The following SF3B3 variants were observed in gnomAD, a reference collection of about 807,000 sequenced individuals.
The protein encoded by SF3B3 is SAP 130.
Under a neutral mutation model 139.2 loss-of-function variants are expected in SF3B3, and 33 were observed. The observed-to-expected ratio is 0.24, with a 90% CI of 0.18 to 0.32. SF3B3 has a LOEUF of 0.32. Among genes scored for constraint, SF3B3 ranks in the 10% least tolerant of loss-of-function variants. The probability of loss-of-function intolerance (pLI) is 1.00; values close to 1 mark genes in which losing one functional copy is unlikely to be tolerated. For synonymous variants in SF3B3, 596 were observed against 563.6 expected (o/e 1.06, Z -0.81); for missense variants, 818 against 1,509.4 (o/e 0.54, Z 7.59).
intron 18 of SF3B3, among the ~76,000 whole-genome samples, chr16:70,564,440 T>A (rs890463815): frequency 3.3e-5 from 5 of 152,262 alleles, no homozygotes; most frequent in Non-Finnish European, 7.3e-5. Flanking sequence ...TCAGCTTTTT[T>A]AAGCAGAGGC....
At chr16:70,564,470 A>AT (rs1370284918) in intron 18 of SF3B3, among the ~76,000 whole-genome samples, 1 of 152,188 alleles carries the variant, frequency 6.6e-6, no homozygotes, top group African/African-American at 2.4e-5. Context: ...AAAGTACTTC[A>AT]TTTTAGAGCC....
chr16:70,534,459 A>T (rs934255778), intron 5 of SF3B3, among the ~76,000 whole-genome samples: 1 of 152,144 alleles, frequency 6.6e-6, no homozygotes, highest in African/African-American at 2.4e-5. Context: ...GGGGAGACTG[A>T]TGAGGACATT....
chr16:70,524,744 G>C (rs554158180), intron 1 of SF3B3: 1 of 152,284 alleles, frequency 6.6e-6, no homozygotes, highest in Admixed American at 6.5e-5. Flanking sequence ...GCAGTGGCGC[G>C]ATCTCTGCTC....
rs372064028 is a variant in SF3B3, at chr16:70,556,161, G to T, written c.1711-18G>T. 9 of 1,613,942 alleles carry T rather than the reference G, an allele frequency of 5.6e-6. No homozygotes were observed. In the Admixed American group the frequency reaches 6.7e-5, roughly 12 times the overall value. On this transcript the variant is annotated intron_variant, in intron 13 of 25. Transcript: ENST00000302516. ...ATCCCTCTGTAGTTTTGACCTTGCT[G>T]TGTCTTTCCTCCTGTAGTCAGGACA...
chr16:70,565,122 G>C lies in SF3B3; in HGVS notation c.2521G>C (p.Ala841Pro), dbSNP rs2050463396. Reference sequence around the variant, plus strand: ...GGAGCTGGCCGCAGAGATGGCAGCAGCATTCCTCAATGAAAACCTCCCTGA... The same window carrying C: ...GGAGCTGGCCGCAGAGATGGCAGCACCATTCCTCAATGAAAACCTCCCTGA... ...ERELAAEMAA[A>P]FLNENLPESI... The change falls in exon 19 of 26, where the codon GCA becomes CCA. Residue 841 changes from alanine to proline, a missense_variant. Physicochemically the swap from Ala to Pro is conservative, Grantham distance 27. Coordinates refer to ENST00000302516, the MANE Select transcript of SF3B3 (RefSeq NM_012426.5). The C allele has an allele frequency of 6.2e-7, 1 of 1,614,030 alleles. No homozygotes were observed.
chr16:70,561,810 C>T lies in SF3B3; in HGVS notation c.2288+26C>T. ...GTGAGTGAGTCTCATGTTTGAAGCT[C>T]AGCAGGAAGCCTTTCTGCCAAGGGC... On this transcript the variant is annotated intron_variant, in intron 17 of 25. Transcript: ENST00000302516. 5 of 1,605,954 alleles carry T rather than the reference C, an allele frequency of 3.1e-6. No individual in the cohort carries two copies. In the South Asian group the frequency reaches 5.5e-5, roughly 18 times the overall value.
intron 11 of SF3B3, among the ~76,000 whole-genome samples, chr16:70,553,905 T>G (rs1597718215): frequency 6.6e-6 from 1 of 152,350 alleles, no homozygotes; most frequent in East Asian, 1.9e-4. Context: ...TATCTAGTTT[T>G]CTTACATCAT....
intron 4 of SF3B3, among the ~76,000 whole-genome samples, chr16:70,531,274 A>G (rs1458356806): frequency 1.3e-5 from 2 of 152,116 alleles, no homozygotes; most frequent in Admixed American, 1.3e-4. Flanking sequence ...TCTCAAAAAA[A>G]AACGAAAAGA....
At chr16:70,534,875 G>A (rs1188578052) in intron 5 of SF3B3, among the ~76,000 whole-genome samples, 5 of 152,036 alleles carry the variant, frequency 3.3e-5, no homozygotes, top group Admixed American at 2.6e-4. Flanking sequence ...CACCGTGTTG[G>A]CCAGGCTGGT....
At position 70,548,587 on chromosome 16, in the gene SF3B3, G is replaced by T. The variant is rs2050290997; in HGVS notation, c.1402+145G>T. Reference sequence around the variant, plus strand: ...TTTCTGGCCCAACACTGTTTTTGAGGCTCTTCCGTTCAGGATGCCTTCACC... The same window carrying T: ...TTTCTGGCCCAACACTGTTTTTGAGTCTCTTCCGTTCAGGATGCCTTCACC... On this transcript the variant is annotated intron_variant, in intron 11 of 25. Coordinates refer to ENST00000302516, the MANE Select transcript of SF3B3 (RefSeq NM_012426.5). The T allele has an allele frequency of 1.1e-5, 7 of 661,874 alleles. No homozygotes were observed. In the East Asian group the frequency reaches 1.8e-4, roughly 17 times the overall value. The allele number at this position is 661,874 out of a possible 1,614,324, so 41.0% of individuals were successfully genotyped here. A position where few individuals can be genotyped will look rare whatever the true frequency, so the allele number is the denominator to read the frequency against.
rs1470677731 is a variant in SF3B3 at position 70,523,838 on chromosome 16, G to A, written c.-161G>A. 1 of 544,538 alleles carries A rather than the reference G, an allele frequency of 1.8e-6. No homozygotes were observed. The highest frequency in any genetic ancestry group is 1.9e-5 in the African/African-American group (1 of 51,844). 33.7% of individuals were successfully genotyped at this position (544,538 alleles called of 1,614,324 possible). Reference sequence around the variant, plus strand: ...AATGTCCCTGTCTTGAGGTCTAATGGCGGACGCCAGTATGTTGGAGTTGGT... The same window carrying A: ...AATGTCCCTGTCTTGAGGTCTAATGACGGACGCCAGTATGTTGGAGTTGGT... On this transcript the variant is annotated 5_prime_UTR_variant, in exon 1 of 26. Transcript: ENST00000302516.
In SF3B3 at chr16:70,572,253, C is replaced by T. The variant is rs1289036612; in HGVS notation, c.*440C>T. On this transcript the variant is annotated 3_prime_UTR_variant, in exon 26 of 26. Transcript: ENST00000302516. ...GGTATAGTATCACTCCTGAGTTCCA[C>T]TGCTCTAGAATCTAACCAGAAATAG... 8.0e-6 allele frequency: 3 copies of T among 375,686 alleles called. No individual in the cohort carries two copies. The highest frequency in any genetic ancestry group is 3.4e-5 in the Admixed American group (1 of 29,138). The allele number at this position is 375,686 out of a possible 1,614,324, so 23.3% of individuals were successfully genotyped here. A position where few individuals can be genotyped will look rare whatever the true frequency, so the allele number is the denominator to read the frequency against.
intron 2 of SF3B3, chr16:70,526,975 C>A: frequency 1.8e-6 from 1 of 563,366 alleles, no homozygotes; most frequent in African/African-American, 1.9e-5. Flanking sequence ...TTACCTAGTG[C>A]CAAGTCGTGT....
At chr16:70,548,220 TTA>T (rs1299762100) in intron 10 of SF3B3, 148 bp from the exon 11 acceptor site, 1 of 656,480 alleles carries the variant, frequency 1.5e-6, no homozygotes, top group African/African-American at 1.8e-5. Flanking sequence ...TGTTTGGTTC[TTA>T]GATTCTTCTT....
intron 10 of SF3B3, among the ~76,000 whole-genome samples, chr16:70,546,907 A>C (rs2050273736): frequency 6.6e-6 from 1 of 152,100 alleles, no homozygotes; most frequent in Admixed American, 6.5e-5. Context: ...GGGCGCCTGT[A>C]GTCCCAGCTA....
intron 20 of SF3B3, among the ~76,000 whole-genome samples, chr16:70,566,160 G>A (rs1567424984): frequency 1.3e-5 from 2 of 151,952 alleles, no homozygotes; most frequent in African/African-American, 4.8e-5. Flanking sequence ...GCATTCTCTG[G>A]GAAGTTACTG....
At position 70,571,618 on chromosome 16, in the gene SF3B3, C is replaced by T. The variant is rs2050530319; in HGVS notation, c.3514-55C>T. 10 of 1,571,602 alleles carry T rather than the reference C, an allele frequency of 6.4e-6. No individual in the cohort carries two copies. The East Asian group carries it at 1.3e-4, about 21-fold the overall frequency. ...CTACAAGTGCTGCTTTAGCATGTGC[C>T]ATTTTCTTTGGGCATCTCACCATTT... On this transcript the variant is annotated intron_variant, in intron 25 of 25. Transcript: ENST00000302516.
At chr16:70,537,891 T>G in intron 6 of SF3B3, 1 of 391,608 alleles carries the variant, frequency 2.6e-6, no homozygotes, top group Non-Finnish European at 5.0e-6. Context: ...CTGGGCAACA[T>G]AGTGAGACCT....
Position 70,571,900 on chromosome 16 carries a change from C to T in SF3B3, c.*87C>T. 1 of 1,472,930 alleles carries T rather than the reference C, an allele frequency of 6.8e-7. No individual in the cohort carries two copies. Among genetic ancestry groups the T allele is most frequent in the South Asian group, 1.3e-5 (1 of 78,060 alleles). 91.2% of individuals were successfully genotyped at this position (1,472,930 alleles called of 1,614,324 possible). A position where few individuals can be genotyped will look rare whatever the true frequency, so the allele number is the denominator to read the frequency against. ...CTGCCACCTGGCTTCTGCCATGTGGCAGGAGGGTGACTGGATAATTAAGAC... is the reference window on the plus strand; with the variant it reads ...CTGCCACCTGGCTTCTGCCATGTGGTAGGAGGGTGACTGGATAATTAAGAC... On this transcript the variant is annotated 3_prime_UTR_variant, in exon 26 of 26. Transcript: ENST00000302516.
Sources: allele counts gnomAD v4.1 joint callset (sites outside exome capture counted in the v4.1 genomes callset), GRCh38; gene constraint gnomAD v4.1.1; transcripts MANE v1.5; gene names NCBI Gene and HGNC (gene_info 2026-07-23, HGNC 2026-07-21).